BCL11B: variants seen among roughly 807,000 people sequenced by gnomAD.
BCL11B encodes the protein BCL11 transcription factor B, also known as B-cell lymphoma/leukemia 11B.
Under a neutral mutation model 49.9 loss-of-function variants are expected in BCL11B, and 8 were observed. The observed-to-expected ratio is 0.16, with a 90% CI of 0.09 to 0.29. The LOEUF is 0.29. Among genes scored for constraint, BCL11B ranks in the 10% least tolerant of loss-of-function variants. The pLI is 1.00. For missense variants in BCL11B, 1,006 were observed against 1,351.0 expected (o/e 0.74, Z 4.00); for synonymous variants, 739 against 637.4 (o/e 1.16, Z -2.40).
At position 99,172,119 on chromosome 14, in the gene BCL11B, T is replaced by C. The variant is rs1055973410; in HGVS notation, c.*2032A>G. ...TATGTACCCAATACTGTAAACGTAT[T>C]TTTAAGACAGAGTGCACTAAATTTA... On this transcript the variant is annotated 3_prime_UTR_variant, in exon 4 of 4. Coordinates refer to ENST00000357195, the MANE Select transcript of BCL11B (RefSeq NM_138576.4). 1.8e-5 allele frequency: 4 copies of C among 221,850 alleles called. No homozygotes were observed. The highest frequency in any genetic ancestry group is 1.7e-4 in the Admixed American group (3 of 17,378). The allele number at this position is 221,850 out of a possible 1,614,324, so 13.7% of individuals were successfully genotyped here. A position where few individuals can be genotyped will look rare whatever the true frequency, so the allele number is the denominator to read the frequency against.
intron 3 of BCL11B, among the ~76,000 whole-genome samples, chr14:99,220,416 G>A (rs1162714804): frequency 1.3e-5 from 2 of 152,186 alleles, no homozygotes; most frequent in Non-Finnish European, 2.9e-5. Flanking sequence ...CAAGAAGGAA[G>A]GAGATTGTAA....
Position 99,174,991 on chromosome 14 carries a change from G to T in BCL11B, c.1845C>A (p.Ala615=). Residue 615 remains alanine, a synonymous_variant, in exon 4 of 4, where the codon GCC becomes GCA. Transcript: ENST00000357195. The part of the protein sequence containing the change: ...GALPQYGELL[A]DKQKRGAFLK... ...GGAAGGCGCCGCGCTTCTGCTTGTCGGCCAGGAGCTCGCCGTACTGCGGCA... is the reference window on the plus strand; with the variant it reads ...GGAAGGCGCCGCGCTTCTGCTTGTCTGCCAGGAGCTCGCCGTACTGCGGCA... The T allele has an allele frequency of 1.9e-6, 3 of 1,578,854 alleles. No individual in the cohort carries two copies. The highest frequency in any genetic ancestry group is 8.5e-7 in the Non-Finnish European group (1 of 1,169,680).
At position 99,232,519 on chromosome 14, in the gene BCL11B, G is replaced by A. The variant is rs936944548; in HGVS notation, c.428-962C>T. Among the ~76,000 whole-genome samples, 2 of 152,218 alleles carry A rather than the reference G, an allele frequency of 1.3e-5. No individual in the cohort carries two copies. The highest frequency in any genetic ancestry group is 2.9e-5 in the Non-Finnish European group (2 of 68,036). The stretch of plus-strand genomic sequence containing the variant: ...AACGTCAACAAGAGGATGGGCAGCT[G>A]GGCCCAGCCGGCTTTGCCAGGGAGG... On this transcript the variant is annotated intron_variant, in intron 2 of 3. Coordinates refer to ENST00000357195, the MANE Select transcript of BCL11B (RefSeq NM_138576.4). This position sits in a 1 kb window ranked among gnomAD's most constrained non-coding sequence, Gnocchi z 5.1.
chr14:99,243,616 G>A (rs988723926), intron 2 of BCL11B, among the ~76,000 whole-genome samples: 3 of 152,038 alleles, frequency 2.0e-5, no homozygotes, highest in East Asian at 1.9e-4. Context: ...GAGACTATCC[G>A]ACACCACATG....
intron 3 of BCL11B, among the ~76,000 whole-genome samples, chr14:99,193,484 A>C (rs1002156250): frequency 6.6e-6 from 1 of 152,160 alleles, no homozygotes; most frequent in Non-Finnish European, 1.5e-5. Context: ...AAAAGGGGAC[A>C]TTATTTTCTG....
intron 2 of BCL11B, among the ~76,000 whole-genome samples, chr14:99,256,589 A>C (rs1475912015): frequency 1.3e-5 from 2 of 152,136 alleles, no homozygotes; most frequent in Non-Finnish European, 2.9e-5. Flanking sequence ...ATAAACCAGA[A>C]ACAAACACTC....
intron 3 of BCL11B, among the ~76,000 whole-genome samples, chr14:99,221,903 C>T (rs1305373336): frequency 2.0e-5 from 3 of 152,190 alleles, no homozygotes; most frequent in African/African-American, 7.2e-5. Flanking sequence ...ACATGTATGA[C>T]CAGCGTATGA....
At position 99,173,157 on chromosome 14, in the gene BCL11B, G is replaced by A; in HGVS notation, c.*994C>T. The A allele has an allele frequency of 4.3e-6, 1 of 230,846 alleles. No individual in the cohort carries two copies. Among genetic ancestry groups the A allele is most frequent in the Non-Finnish European group, 8.6e-6 (1 of 116,502 alleles). 14.3% of individuals were successfully genotyped at this position (230,846 alleles called of 1,614,324 possible). On this transcript the variant is annotated 3_prime_UTR_variant, in exon 4 of 4. Coordinates refer to ENST00000357195, the MANE Select transcript of BCL11B (RefSeq NM_138576.4). ...GAACACCGCTAGTTTCTTCCTTTCT[G>A]TGTCACTGCAGGCCACCCCATCTCC...
rs747933773 is a variant in BCL11B, at chr14:99,263,989, CCTT to C, written c.59-6153_59-6151del. 13 of 152,252 alleles carry C rather than the reference CCTT, an allele frequency of 8.5e-5. No individual in the cohort carries two copies. The East Asian group carries it at 1.2e-3, about 14-fold the overall frequency. 9.4% of individuals were successfully genotyped at this position (152,252 alleles called of 1,614,324 possible). A position where few individuals can be genotyped will look rare whatever the true frequency, so the allele number is the denominator to read the frequency against. ...GGAAAAGATTTACCACAATAGCAAT[CCTT>C]CTCAACACATTTAGCAGGTTCTATA... On this transcript the variant is annotated intron_variant, in intron 1 of 3. Transcript: ENST00000357195.
chr14:99,202,762 A>T (rs964357317), intron 3 of BCL11B, among the ~76,000 whole-genome samples: 2 of 152,182 alleles, frequency 1.3e-5, no homozygotes. Context: ...TCAGGCAGGG[A>T]ATAGCGAGGC....
At chr14:99,265,070 C>T (rs1028063225) in intron 1 of BCL11B, among the ~76,000 whole-genome samples, 1 of 152,142 alleles carries the variant, frequency 6.6e-6, no homozygotes, top group African/African-American at 2.4e-5. Flanking sequence ...AAAAGAGTGC[C>T]GCACAGGACC....
intron 3 of BCL11B, among the ~76,000 whole-genome samples, chr14:99,190,498 A>C (rs557223343): frequency 6.6e-6 from 1 of 152,328 alleles, no homozygotes; most frequent in African/African-American, 2.4e-5. Flanking sequence ...AAATAGAAAT[A>C]AATAAATACT....
chr14:99,193,081 G>A (rs774467452), intron 3 of BCL11B, among the ~76,000 whole-genome samples: 5 of 152,132 alleles, frequency 3.3e-5, no homozygotes, highest in Non-Finnish European at 4.4e-5. Context: ...ATCAGCCACC[G>A]TGGTCAGCCA....
chr14:99,267,052 C>T (rs1460953387), intron 1 of BCL11B, among the ~76,000 whole-genome samples: 2 of 152,070 alleles, frequency 1.3e-5, no homozygotes, highest in African/African-American at 4.8e-5. Flanking sequence ...GTTGGGCTTC[C>T]CTTGGGTTGA....
chr14:99,201,184 G>A (rs746193696), intron 3 of BCL11B, among the ~76,000 whole-genome samples: 1 of 152,190 alleles, frequency 6.6e-6, no homozygotes, highest in Non-Finnish European at 1.5e-5. Flanking sequence ...CGCAACCCTC[G>A]CCAGGGATTT....
At position 99,232,526 on chromosome 14, in the gene BCL11B, G is replaced by A. The variant is rs1888369262; in HGVS notation, c.428-969C>T. Among the ~76,000 whole-genome samples, 1 of 152,210 alleles carries A rather than the reference G, an allele frequency of 6.6e-6. No homozygotes were observed. The highest frequency in any genetic ancestry group is 6.5e-5 in the Admixed American group (1 of 15,282). On this transcript the variant is annotated intron_variant, in intron 2 of 3. Coordinates refer to ENST00000357195, the MANE Select transcript of BCL11B (RefSeq NM_138576.4). This position sits in a 1 kb window ranked among gnomAD's most constrained non-coding sequence, Gnocchi z 5.1. ...ACAAGAGGATGGGCAGCTGGGCCCA[G>A]CCGGCTTTGCCAGGGAGGCCCAGCA... is the stretch of plus-strand genomic sequence containing the variant.
In BCL11B at chr14:99,195,718, C is replaced by T. The variant is rs79497860; in HGVS notation, c.641-19523G>A. 6.6e-6 allele frequency among the ~76,000 whole-genome samples: 1 copy of T among 152,098 alleles called. No homozygotes were observed. Among genetic ancestry groups the T allele is most frequent in the Non-Finnish European group, 1.5e-5 (1 of 68,026 alleles). On this transcript the variant is annotated intron_variant, in intron 3 of 3. Transcript: ENST00000357195. This position sits in a 1 kb window ranked among gnomAD's most constrained non-coding sequence, Gnocchi z 4.7. ...TAAGTTTCCTCGAGCTAGCACCCCA[C>T]CCCCAAGGATAACAGGCCCCTACAG...
chr14:99,212,241 C>T (rs1887708575), intron 3 of BCL11B, among the ~76,000 whole-genome samples: 1 of 152,158 alleles, frequency 6.6e-6, no homozygotes, highest in Non-Finnish European at 1.5e-5. Flanking sequence ...AAAAATCAAA[C>T]GGTGCACCCA....
At position 99,248,673 on chromosome 14, in the gene BCL11B, C is replaced by A. The variant is rs1888916536; in HGVS notation, c.427+8798G>T. 6.6e-6 allele frequency among the ~76,000 whole-genome samples: 1 copy of A among 152,196 alleles called. No homozygotes were observed. The highest frequency in any genetic ancestry group is 6.5e-5 in the Admixed American group (1 of 15,288). ...TCAATCTAACAGTTTTCATTTTCAC[C>A]ACCAGTTTCTTCAGAGAAAACTGAC... On this transcript the variant is annotated intron_variant, in intron 2 of 3. Coordinates refer to ENST00000357195, the MANE Select transcript of BCL11B (RefSeq NM_138576.4). The surrounding 1 kb of genome is among the most constrained non-coding windows in gnomAD (Gnocchi z 4.7).
Sources: allele counts gnomAD v4.1 joint callset (sites outside exome capture counted in the v4.1 genomes callset), GRCh38; gene constraint gnomAD v4.1.1; non-coding constraint Gnocchi (gnomAD v3.1); transcripts MANE v1.5; gene names NCBI Gene and HGNC (gene_info 2026-07-23, HGNC 2026-07-21).